NEDD4L: variants seen among roughly 807,000 people sequenced by gnomAD.
NEDD4L encodes NEDD4 like E3 ubiquitin protein ligase.
A neutral mutation model predicts 148.9 loss-of-function variants in NEDD4L; 54 were observed. The observed-to-expected ratio is 0.36, with a 90% CI of 0.29 to 0.45. NEDD4L has a LOEUF of 0.45. Ranked by LOEUF, NEDD4L falls within the 20% of genes least tolerant of loss-of-function variation. The pLI, the probability that NEDD4L is intolerant of heterozygous loss-of-function variation, is 1.00. For missense variants in NEDD4L, 856 were observed against 1,233.8 expected (o/e 0.69, Z 4.59); for synonymous variants, 433 against 440.7 (o/e 0.98, Z 0.22).
chr18:58,249,033 T>A (rs953063380), intron 4 of NEDD4L, 96 bp downstream of exon 4: 2 of 629,750 alleles, frequency 3.2e-6, no homozygotes, highest in Admixed American at 3.4e-5. Flanking sequence ...AAATTTTTAA[T>A]GAGAAATTCC....
chr18:58,272,718 G>T (rs542201168), intron 5 of NEDD4L, among the ~76,000 whole-genome samples: 1 of 152,066 alleles, frequency 6.6e-6, no homozygotes, highest in Admixed American at 6.5e-5. Flanking sequence ...TGCTGTTGCC[G>T]CCTTTATAAA....
In NEDD4L at chr18:58,234,097, C is replaced by CTTTCTTTCT. The variant is rs1483373337; in HGVS notation, c.123-11323_123-11322insCTTTTCTTT. 8.1e-3 allele frequency among the ~76,000 whole-genome samples: 676 copies of CTTTCTTTCT among 83,220 alleles called. 4 individuals carry two copies. Among genetic ancestry groups the CTTTCTTTCT allele is most frequent in the Non-Finnish European group, 0.01 (434 of 43,134 alleles). 54.6% of individuals were successfully genotyped at this position (83,220 alleles called of 152,430 possible). ...TCTTTCTTTCTTTCTTTCTTTCTTT[C>CTTTCTTTCT]TTTCTTTTCTTTTCTTTTCTTTTCC... is the stretch of plus-strand genomic sequence containing the variant. On this transcript the variant is annotated intron_variant, in intron 2 of 30. Transcript: ENST00000400345.
At chr18:58,101,994 G>A (rs1433794407) in intron 1 of NEDD4L, among the ~76,000 whole-genome samples, 1 of 152,178 alleles carries the variant, frequency 6.6e-6, no homozygotes, top group African/African-American at 2.4e-5. Flanking sequence ...AGCTTTACCA[G>A]CAAGGGCCAG....
chr18:58,139,442 T>C (rs1274250994), intron 1 of NEDD4L, among the ~76,000 whole-genome samples: 1 of 152,158 alleles, frequency 6.6e-6, no homozygotes, highest in African/African-American at 2.4e-5. Flanking sequence ...AAGATAATCC[T>C]ATCAACTTTA....
At chr18:58,188,189 T>C (rs939058906) in intron 2 of NEDD4L, among the ~76,000 whole-genome samples, 4 of 152,188 alleles carry the variant, frequency 2.6e-5, no homozygotes, top group African/African-American at 9.6e-5. Context: ...AGGACGGTCC[T>C]CCAGCACCTC....
intron 24 of NEDD4L, among the ~76,000 whole-genome samples, chr18:58,376,645 C>T (rs575011017): frequency 1.3e-4 from 20 of 152,198 alleles, no homozygotes; most frequent in Non-Finnish European, 1.5e-5. Context: ...ACTAGACCCC[C>T]GACCCGTCTC....
chr18:58,257,909 G>A (rs1370530795), intron 5 of NEDD4L, among the ~76,000 whole-genome samples: 1 of 152,104 alleles, frequency 6.6e-6, no homozygotes, highest in Admixed American at 6.5e-5. Flanking sequence ...ATGTCTAGGG[G>A]ACTTTTCTTT....
At chr18:58,344,629 C>G (rs1318432145) in intron 16 of NEDD4L, among the ~76,000 whole-genome samples, 1 of 152,182 alleles carries the variant, frequency 6.6e-6, no homozygotes, top group Non-Finnish European at 1.5e-5. Flanking sequence ...AGGTTTGACT[C>G]CCCTACTAGT....
chr18:58,391,201 A>G (rs915285192), intron 29 of NEDD4L, among the ~76,000 whole-genome samples: 4 of 152,176 alleles, frequency 2.6e-5, no homozygotes, highest in Non-Finnish European at 5.9e-5. Flanking sequence ...TTAAATTTCC[A>G]GGGCCCAGCT....
At chr18:58,152,579 T>G (rs1216775991) in intron 1 of NEDD4L, among the ~76,000 whole-genome samples, 1 of 152,242 alleles carries the variant, frequency 6.6e-6, no homozygotes, top group African/African-American at 2.4e-5. Flanking sequence ...CTTGTTTGTT[T>G]GAATAGAACA....
chr18:58,121,148 T>C (rs1176201691), intron 1 of NEDD4L, among the ~76,000 whole-genome samples: 4 of 152,076 alleles, frequency 2.6e-5, no homozygotes, highest in African/African-American at 9.7e-5. Context: ...ATTAGTAAGA[T>C]AGAGAATTGA....
chr18:58,156,502 T>G (rs1406584336), intron 1 of NEDD4L, among the ~76,000 whole-genome samples: 5 of 152,202 alleles, frequency 3.3e-5, no homozygotes, highest in Non-Finnish European at 7.3e-5. Context: ...CTTCTTAGAT[T>G]GAGTTTTTGG....
chr18:58,309,887 C>T (rs916395568), intron 5 of NEDD4L, among the ~76,000 whole-genome samples: 1 of 152,164 alleles, frequency 6.6e-6, no homozygotes, highest in African/African-American at 2.4e-5. Flanking sequence ...AGGACTCCCT[C>T]TGAGCCCACA....
At chr18:58,383,108 C>T in intron 24 of NEDD4L, 138 bp from the exon 25 acceptor site, 1 of 611,878 alleles carries the variant, frequency 1.6e-6, no homozygotes, top group East Asian at 2.8e-5. Flanking sequence ...TGGACATTCT[C>T]TTGTGCACAG....
intron 2 of NEDD4L, among the ~76,000 whole-genome samples, chr18:58,233,443 C>T (rs368984159): frequency 8.5e-5 from 13 of 152,160 alleles, no homozygotes; most frequent in African/African-American, 2.9e-4. Context: ...AAAGGGGAAA[C>T]CCTGTATAAA....
chr18:58,055,280 G>T (rs2082041051), intron 1 of NEDD4L, among the ~76,000 whole-genome samples: 1 of 152,126 alleles, frequency 6.6e-6, no homozygotes. Context: ...AACATAGTGA[G>T]ACTCTGTCTC....
chr18:58,333,179 G>A (rs1032852116), intron 11 of NEDD4L, among the ~76,000 whole-genome samples: 1 of 151,472 alleles, frequency 6.6e-6, no homozygotes, highest in Non-Finnish European at 1.5e-5. Flanking sequence ...TCAGGAGGCT[G>A]AGACAGGAGA....
At chr18:58,094,320 G>A (rs2084250295) in intron 1 of NEDD4L, among the ~76,000 whole-genome samples, 1 of 151,902 alleles carries the variant, frequency 6.6e-6, no homozygotes, top group Non-Finnish European at 1.5e-5. Context: ...AGATAGCTGG[G>A]ACCACAGGCA....
At chr18:58,293,038 A>G (rs1047050611) in intron 5 of NEDD4L, among the ~76,000 whole-genome samples, 1 of 152,126 alleles carries the variant, frequency 6.6e-6, no homozygotes, top group African/African-American at 2.4e-5. Context: ...TTTTTCTCTC[A>G]TGTCATTTTC....
Sources: gnomAD v4.1 joint callset for allele counts (sites outside exome capture counted in the v4.1 genomes callset) on GRCh38, gnomAD v4.1.1 for gene constraint, MANE v1.5 for transcripts, NCBI Gene and HGNC (gene_info 2026-07-23, HGNC 2026-07-21) for gene names.